The following GSG1L variants were observed in gnomAD, a reference collection of about 807,000 sequenced individuals.
GSG1L encodes GSG1 like, also known as germ cell-specific gene 1-like protein.
In GSG1L, 24 loss-of-function variants were observed where a neutral mutation model predicts 42.1. That is an observed-to-expected ratio of 0.57 (90% CI 0.41 to 0.80). The LOEUF is 0.80. Ranked by LOEUF, GSG1L falls within the 30% of genes least tolerant of loss-of-function variation. GSG1L has a pLI of 0.00. For missense variants in GSG1L, 445 were observed against 472.2 expected, an observed-to-expected ratio of 0.94 and a Z score of 0.53; for synonymous variants, 215 against 203.5, an observed-to-expected ratio of 1.06 and a Z score of -0.48.
chr16:27,854,058 T>A (rs2140992805), intron 3 of GSG1L, among the ~76,000 whole-genome samples: 1 of 152,020 alleles, frequency 6.6e-6, no homozygotes, highest in Admixed American at 6.6e-5. Flanking sequence ...AAAGCCTACA[T>A]CCAGGTGTTC....
At chr16:27,946,681 A>G (rs981865874) in intron 2 of GSG1L, among the ~76,000 whole-genome samples, 6 of 149,104 alleles carry the variant, frequency 4.0e-5, no homozygotes, top group South Asian at 4.3e-4. Context: ...AGAAAGAAAG[A>G]AAGAAAGAAA....
intron 3 of GSG1L, among the ~76,000 whole-genome samples, chr16:27,873,688 A>T (rs2083851612): frequency 6.6e-6 from 1 of 152,226 alleles, no homozygotes; most frequent in Non-Finnish European, 1.5e-5. Context: ...CTTAGAATTA[A>T]AATTAAGGTC....
In GSG1L at chr16:28,063,446, G is replaced by A. The variant is rs753357777; in HGVS notation, c.-22C>T. ...TCATGCCGCCCGCGCCGCCGGGACG[G>A]GACTGCACCGCCGGGGAGCTCCGCG... On this transcript the variant is annotated 5_prime_UTR_variant, in exon 1 of 7. Coordinates refer to ENST00000447459, the MANE Select transcript of GSG1L (RefSeq NM_001109763.2). This position sits in a 1 kb window ranked among gnomAD's most constrained non-coding sequence, Gnocchi z 5.8. 4.6e-5 allele frequency: 54 copies of A among 1,172,892 alleles called. No individual in the cohort carries two copies. The South Asian group carries it at 1.6e-3, about 34-fold the overall frequency. The allele number at this position is 1,172,892 out of a possible 1,614,324, so 72.7% of individuals were successfully genotyped here. A position where few individuals can be genotyped will look rare whatever the true frequency, so the allele number is the denominator to read the frequency against.
chr16:27,796,937 G>A (rs922645861), intron 6 of GSG1L, among the ~76,000 whole-genome samples: 2 of 152,058 alleles, frequency 1.3e-5, no homozygotes, highest in Non-Finnish European at 2.9e-5. Flanking sequence ...CCCTCCCCCC[G>A]GGTGCTCACA....
intron 4 of GSG1L, among the ~76,000 whole-genome samples, chr16:27,835,520 T>C (rs2083313205): frequency 1.3e-5 from 2 of 152,150 alleles, no homozygotes. Context: ...TGATATGTTA[T>C]GGCTTAGGCC....
Position 27,891,884 on chromosome 16 carries a change from C to CT in GSG1L, c.398-7247dup, listed in dbSNP as rs60746199. Among the ~76,000 whole-genome samples, 286 of 74,320 alleles carry CT rather than the reference C, an allele frequency of 3.8e-3. 9 individuals are homozygous for CT. The highest frequency in any genetic ancestry group is 0.022 in the East Asian group (37 of 1,700). The allele number at this position is 74,320 out of a possible 152,430, so 48.8% of individuals were successfully genotyped here. On this transcript the variant is annotated intron_variant, in intron 2 of 6. Transcript: ENST00000447459. Reference sequence around the variant, plus strand: ...TCTGCAGGTACCGTCAGTGACAGATCTTTTTTTTTTTTTTTTTTTTTTTTA... The same window carrying CT: ...TCTGCAGGTACCGTCAGTGACAGATCTTTTTTTTTTTTTTTTTTTTTTTTTA...
intron 3 of GSG1L, among the ~76,000 whole-genome samples, chr16:27,862,358 G>A (rs1162026714): frequency 6.6e-6 from 1 of 152,124 alleles, no homozygotes; most frequent in Non-Finnish European, 1.5e-5. Context: ...AAAAGGAGCC[G>A]AAATCTCCGA....
chr16:27,859,911 G>A (rs1157186433), intron 3 of GSG1L, among the ~76,000 whole-genome samples: 1 of 151,764 alleles, frequency 6.6e-6, no homozygotes, highest in African/African-American at 2.4e-5. Context: ...GGAACTCTTG[G>A]CCTCGAGCAG....
chr16:27,798,207 G>C (rs955821119), intron 6 of GSG1L, among the ~76,000 whole-genome samples: 8 of 152,090 alleles, frequency 5.3e-5, no homozygotes, highest in Non-Finnish European at 1.0e-4. Context: ...CACAAAGATT[G>C]GGCTCATAGA....
chr16:27,823,652 G>GCATCATACC (rs1265695416), intron 5 of GSG1L, among the ~76,000 whole-genome samples: 1 of 152,050 alleles, frequency 6.6e-6, no homozygotes, highest in African/African-American at 2.4e-5. Context: ...CCCACAGAAT[G>GCATCATACC]CATCATACCA....
At chr16:27,875,728 G>A (rs2141016034) in intron 3 of GSG1L, among the ~76,000 whole-genome samples, 1 of 152,262 alleles carries the variant, frequency 6.6e-6, no homozygotes, top group Non-Finnish European at 1.5e-5. Context: ...ATGGTAATTT[G>A]TTTAGAAATG....
intron 1 of GSG1L, among the ~76,000 whole-genome samples, chr16:28,034,095 A>C (rs1019476178): frequency 4.5e-4 from 68 of 151,706 alleles, no homozygotes; most frequent in African/African-American, 1.5e-3. Context: ...GTCCCAACCC[A>C]TCCTATCCCA....
At chr16:27,843,177 G>A (rs965458439) in intron 4 of GSG1L, among the ~76,000 whole-genome samples, 1 of 152,142 alleles carries the variant, frequency 6.6e-6, no homozygotes, top group African/African-American at 2.4e-5. Context: ...CCAACTACCA[G>A]CCCCAGACCT....
intron 1 of GSG1L, among the ~76,000 whole-genome samples, chr16:27,994,765 A>G (rs983669183): frequency 2.0e-5 from 3 of 152,212 alleles, no homozygotes; most frequent in African/African-American, 7.2e-5. Flanking sequence ...CAAAGTCTGG[A>G]AACACTGAGA....
chr16:27,977,862 T>C (rs1416987715), intron 1 of GSG1L, among the ~76,000 whole-genome samples: 1 of 152,156 alleles, frequency 6.6e-6, no homozygotes, highest in African/African-American at 2.4e-5. Context: ...GTGTCCACCG[T>C]TCAGAAAAGA....
At chr16:27,955,263 TA>T (rs981801463) in intron 2 of GSG1L, among the ~76,000 whole-genome samples, 1 of 151,490 alleles carries the variant, frequency 6.6e-6, no homozygotes, top group East Asian at 1.9e-4. Context: ...AGGAGACTAT[TA>T]AAAAAAAGAA....
intron 2 of GSG1L, among the ~76,000 whole-genome samples, chr16:27,946,050 G>A (rs1016805521): frequency 2.6e-5 from 4 of 152,242 alleles, no homozygotes. Flanking sequence ...AAATTCCTGG[G>A]CCTGAGCAGT....
intron 5 of GSG1L, among the ~76,000 whole-genome samples, chr16:27,822,871 T>C (rs1285037271): frequency 6.6e-6 from 1 of 152,032 alleles, no homozygotes; most frequent in African/African-American, 2.4e-5. Flanking sequence ...AAACAAGTAA[T>C]TTCAGAGAGT....
intron 1 of GSG1L, among the ~76,000 whole-genome samples, chr16:27,999,445 T>C (rs760333698): frequency 3.9e-5 from 6 of 152,240 alleles, no homozygotes; most frequent in South Asian, 2.1e-4. Context: ...AAATTCTTTC[T>C]ATTTTACCAT....
Sources: gnomAD v4.1 joint callset for allele counts (sites outside exome capture counted in the v4.1 genomes callset) on GRCh38, gnomAD v4.1.1 for gene constraint, Gnocchi (gnomAD v3.1) non-coding constraint, MANE v1.5 for transcripts, NCBI Gene and HGNC (gene_info 2026-07-23, HGNC 2026-07-21) for gene names.